YEATS4: variants seen among roughly 807,000 people sequenced by gnomAD.
YEATS4 encodes YEATS domain-containing protein 4.
YEATS4 carries 17 observed loss-of-function variants against 30.1 expected under a neutral mutation model. That is an observed-to-expected ratio of 0.56 (90% CI 0.39 to 0.85). The LOEUF (loss-of-function observed/expected upper bound fraction) is 0.85, where lower values mean the gene tolerates loss of function less well. Ranked by LOEUF, YEATS4 falls within the 40% of genes least tolerant of loss-of-function variation. YEATS4 has a pLI of 0.00. For synonymous variants in YEATS4, 85 were observed against 87.5 expected (o/e 0.97, Z 0.16); for missense variants, 142 against 268.3 (o/e 0.53, Z 3.29).
At chr12:69,419,255 C>A in the YEATS4 span, among the ~76,000 whole-genome samples, 2 of 136,940 alleles carry the variant, frequency 1.5e-5, no homozygotes, top group East Asian at 4.3e-4. Flanking sequence ...TGGTCTCACT[C>A]TGTTGCCCAG....
chr12:69,360,431 C>T (rs1431784617), intron 1 of YEATS4, among the ~76,000 whole-genome samples: 1 of 152,188 alleles, frequency 6.6e-6, no homozygotes, highest in East Asian at 1.9e-4. Flanking sequence ...TGAGCGCTTA[C>T]CCGCAGTATT....
intron 6 of YEATS4, among the ~76,000 whole-genome samples, chr12:69,382,910 C>A (rs1876133109): frequency 6.6e-6 from 1 of 152,138 alleles, no homozygotes; most frequent in African/African-American, 2.4e-5. Context: ...CCAAAAAAGT[C>A]ATTGCTTTTT....
At chr12:69,368,082 C>T (rs1442576993) in intron 4 of YEATS4, among the ~76,000 whole-genome samples, 1 of 152,170 alleles carries the variant, frequency 6.6e-6, no homozygotes, top group Non-Finnish European at 1.5e-5. Flanking sequence ...TATAGATTTA[C>T]ATAGGCCTGA....
intron 4 of YEATS4, among the ~76,000 whole-genome samples, chr12:69,367,875 A>G (rs1015000293): frequency 2.0e-5 from 3 of 152,080 alleles, no homozygotes; most frequent in Non-Finnish European, 4.4e-5. Context: ...CTGGGTTTTC[A>G]TTTTTATTTT....
intron 6 of YEATS4, among the ~76,000 whole-genome samples, chr12:69,375,651 G>A (rs1025606515): frequency 5.3e-5 from 8 of 152,184 alleles, no homozygotes; most frequent in African/African-American, 1.2e-4. Context: ...CTGCAATCCC[G>A]GCACCTCGGG....
At chr12:69,393,561 T>A (rs1274698488), downstream of YEATS4, among the ~76,000 whole-genome samples, 1 of 136,136 alleles carries the variant, frequency 7.3e-6, no homozygotes. Flanking sequence ...CTGCCAACAA[T>A]TGATAAAGAA....
chr12:69,415,536 G>A, the YEATS4 span, among the ~76,000 whole-genome samples: 2 of 152,264 alleles, frequency 1.3e-5, no homozygotes, highest in South Asian at 4.1e-4. Flanking sequence ...ACTCCAGCCT[G>A]GGCAACAAAG....
At chr12:69,422,554 C>A in the YEATS4 span, 1 of 150,722 alleles carries the variant, frequency 6.6e-6, no homozygotes, top group Non-Finnish European at 1.5e-5. Flanking sequence ...TCACTACAGC[C>A]CCGGACGTCA....
At chr12:69,366,139 C>CA (rs1373391682) in intron 4 of YEATS4, among the ~76,000 whole-genome samples, 2 of 151,038 alleles carry the variant, frequency 1.3e-5, no homozygotes, top group African/African-American at 2.4e-5. Flanking sequence ...ACTACTGCAG[C>CA]AAAAAAACTT....
chr12:69,368,593 G>C (rs557868228), intron 4 of YEATS4, among the ~76,000 whole-genome samples: 36 of 152,266 alleles, frequency 2.4e-4, no homozygotes, highest in African/African-American at 8.2e-4. Flanking sequence ...TTCTGTGTTA[G>C]TTTTCTGGTA....
chr12:69,376,579 T>A (rs1308002961), intron 6 of YEATS4, among the ~76,000 whole-genome samples: 1 of 152,250 alleles, frequency 6.6e-6, no homozygotes, highest in East Asian at 1.9e-4. Context: ...CGATGAATGA[T>A]CTTTTTAAGG....
At chr12:69,408,010 C>T in the YEATS4 span, among the ~76,000 whole-genome samples, 344 of 152,360 alleles carry the variant, frequency 2.3e-3, 2 homozygotes, top group African/African-American at 7.6e-3. Flanking sequence ...GCCACTGTGC[C>T]TGGCCACTTT....
At chr12:69,392,421 C>CTTG (rs1444442375), downstream of YEATS4, among the ~76,000 whole-genome samples, 1 of 152,184 alleles carries the variant, frequency 6.6e-6, no homozygotes, top group African/African-American at 2.4e-5. Context: ...CACACAAAAA[C>CTTG]TTGTACATCA....
chr12:69,388,364 AAG>A (rs1868278189), intron 6 of YEATS4, among the ~76,000 whole-genome samples: 1 of 152,218 alleles, frequency 6.6e-6, no homozygotes, highest in Non-Finnish European at 1.5e-5. Context: ...GTATCGTACA[AAG>A]AGATTGATGG....
chr12:69,415,940 A>G, the YEATS4 span, among the ~76,000 whole-genome samples: 2 of 152,220 alleles, frequency 1.3e-5, no homozygotes, highest in Non-Finnish European at 2.9e-5. Flanking sequence ...ATTCCTGTGA[A>G]GATTAAGAAG....
intron 4 of YEATS4, among the ~76,000 whole-genome samples, chr12:69,370,469 A>C (rs920733739): frequency 6.6e-6 from 1 of 152,168 alleles, no homozygotes; most frequent in African/African-American, 2.4e-5. Context: ...AGATTCTTGA[A>C]CAGATTCTTA....
intron 6 of YEATS4, among the ~76,000 whole-genome samples, chr12:69,379,583 A>ATTTTTTTTTTTTTTTTTTTTTT (rs61048163): frequency 1.4e-5 from 1 of 72,272 alleles, no homozygotes; most frequent in Non-Finnish European, 2.6e-5. Flanking sequence ...TGCCCAGCTA[A>ATTTTTTTTTTTTTTTTTTTTTT]TTTTTTTTTT....
the YEATS4 span, among the ~76,000 whole-genome samples, chr12:69,419,106 A>G: frequency 6.7e-6 from 1 of 149,596 alleles, no homozygotes; most frequent in African/African-American, 2.4e-5. Context: ...TTAGTGCCCA[A>G]TCCAAATGTC....
chr12:69,426,148 G>A, the YEATS4 span, among the ~76,000 whole-genome samples: 2 of 152,058 alleles, frequency 1.3e-5, no homozygotes, highest in African/African-American at 2.4e-5. Flanking sequence ...AAGCTGGGGC[G>A]GGAGGATCAC....
Sources: allele counts gnomAD v4.1 joint callset (sites outside exome capture counted in the v4.1 genomes callset), GRCh38; gene constraint gnomAD v4.1.1; transcripts MANE v1.5; gene names NCBI Gene and HGNC (gene_info 2026-07-23, HGNC 2026-07-21).